The following STARD13 variants were observed in gnomAD, a reference collection of about 807,000 sequenced individuals.
STARD13 encodes StAR related lipid transfer domain containing 13.
A neutral mutation model predicts 106.4 loss-of-function variants in STARD13; 62 were observed. The ratio of observed to expected loss-of-function variants is 0.58; its 90% CI spans 0.48 to 0.72. The LOEUF (loss-of-function observed/expected upper bound fraction) is 0.72, where lower values mean the gene tolerates loss of function less well. STARD13 is among the 30% of genes least tolerant of loss of function. STARD13 has a pLI of 0.00. For missense variants in STARD13, 1,387 were observed against 1,424.0 expected (o/e 0.97, Z 0.42); for synonymous variants, 565 against 553.0 (o/e 1.02, Z -0.31).
the STARD13 span, among the ~76,000 whole-genome samples, chr13:33,393,851 A>G: frequency 3.5e-4 from 54 of 152,328 alleles, no homozygotes; most frequent in African/African-American, 1.3e-3. Flanking sequence ...CTTCCTTATT[A>G]TAATGATAAC....
At chr13:33,375,437 C>G in the STARD13 span, among the ~76,000 whole-genome samples, 1 of 152,122 alleles carries the variant, frequency 6.6e-6, no homozygotes, top group Non-Finnish European at 1.5e-5. Context: ...ATTTATAGTG[C>G]CCCTTTATTA....
At chr13:33,237,157 A>T (rs1889232823) in intron 1 of STARD13, among the ~76,000 whole-genome samples, 1 of 152,126 alleles carries the variant, frequency 6.6e-6, no homozygotes, top group Non-Finnish European at 1.5e-5. Context: ...TCATATCCTA[A>T]TCTCTTTCTG....
chr13:33,592,151 G>C, the STARD13 span, among the ~76,000 whole-genome samples: 1 of 152,260 alleles, frequency 6.6e-6, no homozygotes, highest in South Asian at 2.1e-4. Flanking sequence ...TAGTTTAAAA[G>C]CAACAAAGGC....
intron 1 of STARD13, among the ~76,000 whole-genome samples, chr13:33,244,977 C>T (rs1594158941): frequency 6.6e-6 from 1 of 152,332 alleles, no homozygotes; most frequent in Non-Finnish European, 1.5e-5. Flanking sequence ...TAAGCTGTCT[C>T]TGAAGTGAGG....
chr13:33,110,562 G>A (rs1415982036), intron 11 of STARD13, 124 bp downstream of exon 11: 3 of 780,030 alleles, frequency 3.8e-6, no homozygotes, highest in Non-Finnish European at 6.6e-6. Context: ...TGGTTCATGT[G>A]CCTTAACTGT....
the STARD13 span, among the ~76,000 whole-genome samples, chr13:33,648,953 C>T: frequency 1.3e-5 from 2 of 151,724 alleles, no homozygotes; most frequent in Non-Finnish European, 2.9e-5. Flanking sequence ...TCACCATGCC[C>T]AGCTAATTTT....
chr13:33,659,614 C>T, the STARD13 span: 1 of 152,226 alleles, frequency 6.6e-6, no homozygotes, highest in Non-Finnish European at 1.5e-5. Flanking sequence ...AGCACCAGAA[C>T]TGAATTGAGT....
chr13:33,106,842 G>A lies in STARD13; in HGVS notation c.3140C>T (p.Ala1047Val). 2.5e-6 allele frequency: 4 copies of A among 1,614,156 alleles called. No homozygotes were observed. Among genetic ancestry groups the A allele is most frequent in the Non-Finnish European group, 3.4e-6 (4 of 1,180,000 alleles). The change falls in exon 13 of 14, where the codon GCA becomes GTA. Residue 1047 changes from alanine (A) to valine (V), a missense_variant. By Grantham distance (64) the Ala-to-Val change is moderately conservative. Coordinates refer to ENST00000336934, the MANE Select transcript of STARD13 (RefSeq NM_178006.4). ...EEAQLLGGVRAVVMDSQYLIE... is the reference protein window; with the variant it reads ...EEAQLLGGVRVVVMDSQYLIE... ...CAAGTACTGCGAGTCCATCACCACT[G>A]CTCGCACACCACCCAGGAGCTGGGC...
intron 1 of STARD13, among the ~76,000 whole-genome samples, chr13:33,170,206 C>A (rs928222175): frequency 1.3e-5 from 2 of 152,010 alleles, no homozygotes; most frequent in Non-Finnish European, 2.9e-5. Flanking sequence ...GGATGAATAC[C>A]CTATTCTCCA....
chr13:33,278,327 A>C (rs1288216390), intron 1 of STARD13: 1 of 152,198 alleles, frequency 6.6e-6, no homozygotes, highest in Non-Finnish European at 1.5e-5. Context: ...GTGTTCTGTG[A>C]AGCAGACTTA....
At chr13:33,354,942 AT>A (rs1213547402), upstream of STARD13, among the ~76,000 whole-genome samples, 2 of 151,394 alleles carry the variant, frequency 1.3e-5, no homozygotes, top group African/African-American at 4.8e-5. Flanking sequence ...CAAGTTTTTC[AT>A]TTTTTTTCAC....
At chr13:33,482,772 C>G in the STARD13 span, among the ~76,000 whole-genome samples, 3 of 152,172 alleles carry the variant, frequency 2.0e-5, no homozygotes, top group African/African-American at 7.2e-5. Flanking sequence ...GTTTGGTACA[C>G]TAGGCCAATA....
chr13:33,367,098 C>T, the STARD13 span, among the ~76,000 whole-genome samples: 1 of 152,198 alleles, frequency 6.6e-6, no homozygotes, highest in East Asian at 1.9e-4. Context: ...GCAGCATTAA[C>T]AGCATGCACA....
chr13:33,234,238 C>T (rs772489167), intron 1 of STARD13, among the ~76,000 whole-genome samples: 1 of 152,160 alleles, frequency 6.6e-6, no homozygotes, highest in Non-Finnish European at 1.5e-5. Context: ...CTGACTGGTA[C>T]CCGCTTTTCT....
chr13:33,313,741 A>G (rs1364873309), intron 1 of STARD13, among the ~76,000 whole-genome samples: 1 of 152,198 alleles, frequency 6.6e-6, no homozygotes, highest in South Asian at 2.1e-4. Context: ...TAAATAGCAG[A>G]GCCAATACTC....
intron 3 of STARD13, among the ~76,000 whole-genome samples, chr13:33,155,198 T>C (rs564883981): frequency 6.6e-6 from 1 of 151,726 alleles, no homozygotes; most frequent in Admixed American, 6.5e-5. Context: ...CAGCCCACCC[T>C]ATCTTCCCTC....
the STARD13 span, among the ~76,000 whole-genome samples, chr13:33,540,148 G>T: frequency 6.6e-6 from 1 of 152,210 alleles, no homozygotes; most frequent in African/African-American, 2.4e-5. Context: ...CCTAGTGGAT[G>T]CCTGAACCTC....
At chr13:33,601,157 A>G in the STARD13 span, among the ~76,000 whole-genome samples, 2 of 152,142 alleles carry the variant, frequency 1.3e-5, no homozygotes, top group Non-Finnish European at 2.9e-5. Context: ...TTGCATCACA[A>G]TAGAGGATAA....
the STARD13 span, among the ~76,000 whole-genome samples, chr13:33,356,110 G>A: frequency 6.6e-6 from 1 of 152,200 alleles, no homozygotes; most frequent in East Asian, 1.9e-4. Context: ...GGGGGACCAT[G>A]ATTACCATAT....
Sources: allele counts gnomAD v4.1 joint callset (sites outside exome capture counted in the v4.1 genomes callset), GRCh38; gene constraint gnomAD v4.1.1; transcripts MANE v1.5; gene names NCBI Gene and HGNC (gene_info 2026-07-23, HGNC 2026-07-21).